The following PARG variants were observed in gnomAD, a reference collection of about 807,000 sequenced individuals.
PARG encodes the protein mitochondrial poly(ADP-ribose) glycohydrolase.
A neutral mutation model predicts 113.0 loss-of-function variants in PARG; 35 were observed. That is an observed-to-expected ratio of 0.31 (90% CI 0.24 to 0.41). The LOEUF (loss-of-function observed/expected upper bound fraction) is 0.41, where lower values mean the gene tolerates loss of function less well. Among genes scored for constraint, PARG ranks in the 10% least tolerant of loss-of-function variants. The pLI, the probability that PARG is intolerant of heterozygous loss-of-function variation, is 1.00. For synonymous variants in PARG, 330 were observed against 409.9 expected (o/e 0.81, Z 2.36); for missense variants, 797 against 1,169.4 (o/e 0.68, Z 4.64).
At chr10:49,885,816 T>C (rs1847449446) in intron 7 of PARG, among the ~76,000 whole-genome samples, 1 of 152,188 alleles carries the variant, frequency 6.6e-6, no homozygotes, top group African/African-American at 2.4e-5. Context: ...CTGATGGTCT[T>C]AGAATTTCTC....
intron 15 of PARG, 52 bp downstream of exon 15, chr10:49,841,898 G>A (rs1845259357): frequency 9.2e-7 from 1 of 1,089,942 alleles, no homozygotes; most frequent in African/African-American, 1.6e-5. Context: ...TTAATAAAAT[G>A]GCAGTAAATA....
chr10:49,870,562 G>A (rs1338670063), intron 9 of PARG, among the ~76,000 whole-genome samples: 1 of 150,028 alleles, frequency 6.7e-6, no homozygotes, highest in Non-Finnish European at 1.5e-5. Flanking sequence ...CATTGTTATT[G>A]GTAACATACA....
intron 10 of PARG, among the ~76,000 whole-genome samples, chr10:49,865,696 T>G (rs1171067309): frequency 1.3e-5 from 2 of 149,358 alleles, no homozygotes; most frequent in Non-Finnish European, 3.0e-5. Context: ...TTTTTGAAGC[T>G]GAATACACTT....
intron 4 of PARG, among the ~76,000 whole-genome samples, chr10:49,923,032 T>G (rs1448211286): frequency 6.6e-6 from 1 of 152,254 alleles, no homozygotes; most frequent in African/African-American, 2.4e-5. Context: ...TGATTCTAAG[T>G]GTCATCCTGA....
At chr10:49,930,520 C>T (rs1368292536) in intron 4 of PARG, among the ~76,000 whole-genome samples, 5 of 152,208 alleles carry the variant, frequency 3.3e-5, no homozygotes, top group African/African-American at 1.2e-4. Flanking sequence ...CTTCCTCATT[C>T]CCCACCCAAA....
chr10:49,907,918 T>A (rs1174090179), intron 7 of PARG, among the ~76,000 whole-genome samples: 2 of 152,196 alleles, frequency 1.3e-5, no homozygotes, highest in Non-Finnish European at 2.9e-5. Flanking sequence ...AAGGAATAAC[T>A]TCTACTGCTA....
chr10:49,873,555 A>C (rs1336735117), intron 9 of PARG, among the ~76,000 whole-genome samples: 1 of 148,536 alleles, frequency 6.7e-6, no homozygotes, highest in African/African-American at 2.5e-5. Context: ...ATTCTCCCTG[A>C]ACCTTATCAG....
chr10:49,862,015 GA>G (rs1356950901), intron 11 of PARG, among the ~76,000 whole-genome samples: 6 of 151,552 alleles, frequency 4.0e-5, no homozygotes, highest in East Asian at 1.9e-4. Context: ...GAAAAATGTA[GA>G]AAAAATTTGG....
chr10:49,846,727 T>C (rs1845528100), intron 13 of PARG, among the ~76,000 whole-genome samples: 1 of 150,438 alleles, frequency 6.6e-6, no homozygotes, highest in Non-Finnish European at 1.5e-5. Context: ...GAGGTATCAA[T>C]ATAAATTCAC....
At chr10:49,913,106 T>C (rs1234111298) in intron 7 of PARG, among the ~76,000 whole-genome samples, 1 of 152,208 alleles carries the variant, frequency 6.6e-6, no homozygotes, top group Non-Finnish European at 1.5e-5. Context: ...CCCACCTATA[T>C]AGGTATGTCT....
chr10:49,842,500 G>A (rs1588886208), intron 14 of PARG, among the ~76,000 whole-genome samples: 1 of 152,236 alleles, frequency 6.6e-6, no homozygotes, highest in East Asian at 1.9e-4. Context: ...TACTGTCCAG[G>A]AAATAATCCT....
At chr10:49,927,962 TC>T (rs1838290743) in intron 4 of PARG, among the ~76,000 whole-genome samples, 1 of 146,470 alleles carries the variant, frequency 6.8e-6, no homozygotes, top group East Asian at 2.0e-4. Context: ...AGATCCTGTC[TC>T]TTTAAAAAAA....
intron 7 of PARG, among the ~76,000 whole-genome samples, chr10:49,913,700 T>A (rs1271818860): frequency 2.6e-5 from 4 of 152,060 alleles, no homozygotes. Flanking sequence ...GTCAGGAATT[T>A]GGGACCAGCC....
chr10:49,893,763 G>C (rs1338161443), intron 7 of PARG, among the ~76,000 whole-genome samples: 3 of 151,334 alleles, frequency 2.0e-5, no homozygotes, highest in Non-Finnish European at 4.4e-5. Context: ...GCGCGATCTT[G>C]GCTCACTGCA....
chr10:49,865,472 C>CACAA (rs1554836707), intron 10 of PARG, 91 bp from the exon 11 acceptor site: 1 of 499,976 alleles, frequency 2.0e-6, no homozygotes, highest in Non-Finnish European at 3.8e-6. Flanking sequence ...CACACACACA[C>CACAA]ACACACACAC....
intron 1 of PARG, among the ~76,000 whole-genome samples, chr10:49,940,674 C>T (rs1838995924): frequency 1.3e-5 from 2 of 152,056 alleles, no homozygotes; most frequent in African/African-American, 4.8e-5. Context: ...TTACAGTTGC[C>T]CGCCACCACG....
intron 13 of PARG, among the ~76,000 whole-genome samples, chr10:49,854,533 C>T (rs1845899885): frequency 6.6e-6 from 1 of 151,422 alleles, no homozygotes; most frequent in Non-Finnish European, 1.5e-5. Flanking sequence ...CTAGAGGGCT[C>T]ATGCGTGCCC....
At chr10:49,830,955 A>C (rs1397523298) in intron 16 of PARG, among the ~76,000 whole-genome samples, 3 of 152,240 alleles carry the variant, frequency 2.0e-5, no homozygotes, top group African/African-American at 7.2e-5. Context: ...GAATCTGTGA[A>C]ATAAATTATG....
chr10:49,933,638 A>T lies in PARG; in HGVS notation c.810T>A (p.Asp270Glu). Residue 270 changes from aspartate (D) to glutamate (E), a missense_variant, in exon 3 of 18, where the codon GAT becomes GAA. Physicochemically the swap from Asp to Glu is conservative, Grantham distance 45. Transcript: ENST00000616448. ...ESPLSDVGSE[D>E]VGTGPKNDNK... ...TGTCATTTTTTGGCCCAGTACCAAC[A>T]TCCTCAGAGCCAACATCTGACAATG... 3 of 1,610,210 alleles carry T rather than the reference A, an allele frequency of 1.9e-6. No individual in the cohort carries two copies. The highest frequency in any genetic ancestry group is 2.5e-6 in the Non-Finnish European group (3 of 1,176,508).
Sources: gnomAD v4.1 joint callset for allele counts (sites outside exome capture counted in the v4.1 genomes callset) on GRCh38, gnomAD v4.1.1 for gene constraint, MANE v1.5 for transcripts, NCBI Gene and HGNC (gene_info 2026-07-23, HGNC 2026-07-21) for gene names.